Variants in ZZEF1 observed in about 807,000 individuals in gnomAD.
The protein encoded by ZZEF1 is zinc finger ZZ-type and EF-hand domain-containing protein 1.
Under a neutral mutation model 342.8 loss-of-function variants are expected in ZZEF1, and 157 were observed. The observed-to-expected ratio is 0.46, with a 90% CI of 0.40 to 0.52. ZZEF1 has a LOEUF of 0.52. ZZEF1 is among the 20% of genes least tolerant of loss of function. The probability of loss-of-function intolerance (pLI) is 0.00; values close to 1 mark genes in which losing one functional copy is unlikely to be tolerated. For missense variants in ZZEF1, 3,480 were observed against 3,725.6 expected (o/e 0.93, Z 1.72); for synonymous variants, 1,505 against 1,429.1 (o/e 1.05, Z -1.20).
intron 6 of ZZEF1, among the ~76,000 whole-genome samples, chr17:4,107,286 C>T (rs1273740636): frequency 1.3e-5 from 2 of 152,164 alleles, no homozygotes; most frequent in Non-Finnish European, 2.9e-5. Flanking sequence ...TCTGTCCATT[C>T]TTCAACCACT....
chr17:4,126,225 CAAAA>C (rs34213678), intron 1 of ZZEF1, among the ~76,000 whole-genome samples: 18 of 94,090 alleles, frequency 1.9e-4, no homozygotes, highest in East Asian at 1.6e-3. Context: ...GACTCCGTCT[CAAAA>C]AAAAAAAAAA....
At chr17:4,075,532 G>T in intron 21 of ZZEF1, 103 bp from the exon 22 acceptor site, 4 of 1,350,548 alleles carry the variant, frequency 3.0e-6, no homozygotes, top group African/African-American at 1.4e-5. Flanking sequence ...AGATGGCCTT[G>T]ACAGCCCTGC....
Position 4,008,466 on chromosome 17 carries a change from TC to T in ZZEF1, c.8805+416del, listed in dbSNP as rs1285733726. On this transcript the variant is annotated intron_variant, in intron 54 of 54. Transcript: ENST00000381638. The surrounding 1 kb of genome is among the most constrained non-coding windows in gnomAD (Gnocchi z 4.2). ...TATGGATATATGCATAATAGACATA[TC>T]CAAAAGCTTTCTGAGCTCCTCAGTC... 3.2e-6 allele frequency: 3 copies of T among 951,172 alleles called. No homozygotes were observed. In the East Asian group the frequency reaches 3.3e-4, roughly 103 times the overall value. The allele number at this position is 951,172 out of a possible 1,614,324, so 58.9% of individuals were successfully genotyped here. A position where few individuals can be genotyped will look rare whatever the true frequency, so the allele number is the denominator to read the frequency against.
chr17:4,126,874 C>T (rs1037955862), intron 1 of ZZEF1, among the ~76,000 whole-genome samples: 26 of 152,086 alleles, frequency 1.7e-4, no homozygotes, highest in African/African-American at 5.8e-4. Flanking sequence ...GGCTGAGGCA[C>T]GAGAATCACT....
chr17:4,023,430 C>T (rs1362059224), intron 43 of ZZEF1, among the ~76,000 whole-genome samples: 2 of 152,106 alleles, frequency 1.3e-5, no homozygotes, highest in African/African-American at 4.8e-5. Flanking sequence ...GATTCAAAGA[C>T]AGAAATTATT....
intron 11 of ZZEF1, among the ~76,000 whole-genome samples, chr17:4,092,256 A>C (rs2057959016): frequency 1.3e-5 from 2 of 151,536 alleles, no homozygotes; most frequent in Non-Finnish European, 2.9e-5. Flanking sequence ...TATGGCAAGA[A>C]GACAATCCCG....
Position 4,114,558 on chromosome 17 carries a change from T to C in ZZEF1, c.695-88A>G, listed in dbSNP as rs976840092. The C allele has an allele frequency of 3.5e-6, 4 of 1,128,500 alleles. No individual in the cohort carries two copies. The African/African-American group carries it at 6.4e-5, about 18-fold the overall frequency. The allele number at this position is 1,128,500 out of a possible 1,614,324, so 69.9% of individuals were successfully genotyped here. A position where few individuals can be genotyped will look rare whatever the true frequency, so the allele number is the denominator to read the frequency against. On this transcript the variant is annotated intron_variant, in intron 3 of 54. Coordinates refer to ENST00000381638, the MANE Select transcript of ZZEF1 (RefSeq NM_015113.4). ...TTTAAAATATCTAACAGAAATACGC[T>C]TGGTACTCTGGCCCTAGAAACACAA...
Position 4,009,611 on chromosome 17 carries a change from C to T in ZZEF1, c.8726G>A (p.Arg2909His), listed in dbSNP as rs112119466. The T allele has an allele frequency of 2.1e-5, 34 of 1,613,138 alleles. No homozygotes were observed. Among genetic ancestry groups the T allele is most frequent in the East Asian group, 4.5e-5 (2 of 44,858 alleles). The change falls in exon 53 of 55, where the codon CGT (arginine) becomes CAT (histidine). Residue 2909 changes from arginine (R) to histidine (H), a missense_variant. By Grantham distance (29) the Arg-to-His change is conservative. This residue lies in a region of ZZEF1 where 1,269 missense variants were observed against 1,342.4 expected (regional missense o/e 0.95). Transcript: ENST00000381638. ...CCAGACCTCAGGCCTCACCTGGGCA[C>T]GGTTCTCGGTGACGAAGAAGAGCTC... is the stretch of plus-strand genomic sequence containing the variant. The part of the protein sequence containing the change: ...LTELFFVTEN[R>H]AQELGVLQDY...
At position 4,029,381 on chromosome 17, in the gene ZZEF1, A is replaced by C. The variant is rs1460514109; in HGVS notation, c.6892+2745T>G. The stretch of plus-strand genomic sequence containing the variant: ...CTTTTAAATAATCCACAGAGCAAAG[A>C]AAAAAAAAATCACAAGATAAATTGG... On this transcript the variant is annotated intron_variant, in intron 42 of 54. Transcript: ENST00000381638. 4.5e-5 allele frequency among the ~76,000 whole-genome samples: 6 copies of C among 132,436 alleles called. No individual in the cohort carries two copies. In the East Asian group the frequency reaches 1.2e-3, roughly 26 times the overall value. The allele number at this position is 132,436 out of a possible 152,430, so 86.9% of individuals were successfully genotyped here.
chr17:4,018,306 G>C (rs568585562), intron 46 of ZZEF1, among the ~76,000 whole-genome samples: 73 of 151,838 alleles, frequency 4.8e-4, no homozygotes, highest in Middle Eastern at 6.8e-3. Flanking sequence ...TGACGTGTTG[G>C]AGCTATGTTG....
In ZZEF1 at chr17:4,009,700, C is replaced by T; in HGVS notation, c.8637G>A (p.Glu2879=). The T allele has an allele frequency of 1.2e-6, 2 of 1,614,164 alleles. No individual in the cohort carries two copies. The highest frequency in any genetic ancestry group is 1.7e-6 in the Non-Finnish European group (2 of 1,180,036). Residue 2879 remains glutamate (E), a synonymous_variant, in exon 53 of 55, where the codon GAG becomes GAA. Coordinates refer to ENST00000381638, the MANE Select transcript of ZZEF1 (RefSeq NM_015113.4). ...GCGTCACGTCCTCAAACAGGCCGTACTCCATGTGGGTAAAGAGCTGCCACA... is the reference window on the plus strand; with the variant it reads ...GCGTCACGTCCTCAAACAGGCCGTATTCCATGTGGGTAAAGAGCTGCCACA... ...KPLWQLFTHM[E]YGLFEDVTQP...
intron 38 of ZZEF1, among the ~76,000 whole-genome samples, chr17:4,043,263 ATGGC>A: frequency 6.6e-6 from 1 of 152,328 alleles, no homozygotes; most frequent in East Asian, 1.9e-4. Context: ...TTTCTGGAGC[ATGGC>A]AGGTACTTAA....
chr17:4,062,914 A>G lies in ZZEF1; in HGVS notation c.4722T>C (p.Val1574=), dbSNP rs1475920838. 3 of 1,607,906 alleles carry G rather than the reference A, an allele frequency of 1.9e-6. No homozygotes were observed. The highest frequency in any genetic ancestry group is 2.2e-5 in the East Asian group (1 of 44,820). The change falls in exon 30 of 55, where the codon GTT becomes GTC. Residue 1574 remains valine, a synonymous_variant. Transcript: ENST00000381638. ...IKDQSLSHRS[V]VKVLSLRKAQ... ...CTTTCCTCAGGGAAAGAACCTTCAC[A>G]ACACTGGAGACACAATGCAAGTCAG... is the stretch of plus-strand genomic sequence containing the variant.
chr17:4,066,664 G>T, intron 27 of ZZEF1, 124 bp from the exon 28 acceptor site: 2 of 822,230 alleles, frequency 2.4e-6, no homozygotes, highest in Non-Finnish European at 2.0e-6. Flanking sequence ...GTATCATTTA[G>T]AGGGGTTTGT....
At chr17:4,137,368 T>C (rs2145617457) in intron 1 of ZZEF1, among the ~76,000 whole-genome samples, 1 of 152,296 alleles carries the variant, frequency 6.6e-6, no homozygotes, top group African/African-American at 2.4e-5. Context: ...CCCAGCACTT[T>C]GGGAGGCCGA....
In ZZEF1 at chr17:4,004,771, G is replaced by C. The variant is rs2055767698; in HGVS notation, c.*2119C>G. 1 of 152,250 alleles carries C rather than the reference G, an allele frequency of 6.6e-6. No individual in the cohort carries two copies. The highest frequency in any genetic ancestry group is 2.1e-4 in the South Asian group (1 of 4,832). 9.4% of individuals were successfully genotyped at this position (152,250 alleles called of 1,614,324 possible). A position where few individuals can be genotyped will look rare whatever the true frequency, so the allele number is the denominator to read the frequency against. ...GGGCCTGGGGCTCCTGGAAAGCGCC[G>C]GGACGCGGCGGCTCTGGCTCGGCAG... On this transcript the variant is annotated 3_prime_UTR_variant, in exon 55 of 55. Coordinates refer to ENST00000381638, the MANE Select transcript of ZZEF1 (RefSeq NM_015113.4).
Position 4,076,429 on chromosome 17 carries a change from G to T in ZZEF1, c.3234+208C>A, listed in dbSNP as rs899632415. 5.6e-5 allele frequency: 28 copies of T among 501,628 alleles called. No homozygotes were observed. In the South Asian group the frequency reaches 9.4e-4, roughly 17 times the overall value. 31.1% of individuals were successfully genotyped at this position (501,628 alleles called of 1,614,324 possible). A position where few individuals can be genotyped will look rare whatever the true frequency, so the allele number is the denominator to read the frequency against. On this transcript the variant is annotated intron_variant, in intron 21 of 54. Coordinates refer to ENST00000381638, the MANE Select transcript of ZZEF1 (RefSeq NM_015113.4). ...ATTACAAGCGTGAGCCACTGCGCCC[G>T]GCCTCTGCGTCTCCTTTCTAATGCT...
intron 8 of ZZEF1, 77 bp from the exon 9 acceptor site, chr17:4,102,492 T>C (rs1443246053): frequency 7.8e-7 from 1 of 1,277,938 alleles, no homozygotes; most frequent in Non-Finnish European, 1.1e-6. Flanking sequence ...TCTGTGGAAA[T>C]AGAGTCCTGT....
At chr17:4,071,282 T>C in intron 25 of ZZEF1, 1 of 199,130 alleles carries the variant, frequency 5.0e-6, no homozygotes, top group Middle Eastern at 2.1e-3. Context: ...GATTGGCAGA[T>C]TTGGCTCTGA....
Sources: gnomAD v4.1 joint callset for allele counts (sites outside exome capture counted in the v4.1 genomes callset) on GRCh38, gnomAD v4.1.1 for gene constraint, gnomAD v4.1.1 regional missense constraint, Gnocchi (gnomAD v3.1) non-coding constraint, MANE v1.5 for transcripts, NCBI Gene and HGNC (gene_info 2026-07-23, HGNC 2026-07-21) for gene names.